The following PCDHGB1 variants were observed in gnomAD, a reference collection of about 807,000 sequenced individuals.
PCDHGB1 encodes the protein protocadherin gamma subfamily B, 1, also known as protocadherin gamma-B1.
In PCDHGB1, 34 loss-of-function variants were observed where a neutral mutation model predicts 56.6. The observed-to-expected ratio is 0.60, with a 90% CI of 0.46 to 0.80. PCDHGB1 has a LOEUF of 0.80. Ranked by LOEUF, PCDHGB1 falls within the 30% of genes least tolerant of loss-of-function variation. The pLI is 0.00. For missense variants in PCDHGB1, 1,278 were observed against 1,204.6 expected, an observed-to-expected ratio of 1.06 and a Z score of -0.90; for synonymous variants, 561 against 505.9, an observed-to-expected ratio of 1.11 and a Z score of -1.46.
chr5:141,439,172 G>A (rs1181712838), intron 1 of PCDHGB1, among the ~76,000 whole-genome samples: 1 of 147,496 alleles, frequency 6.8e-6, no homozygotes, highest in Admixed American at 6.8e-5. Context: ...CAGCCTGGGC[G>A]ACATAGTGAG....
chr5:141,418,016 G>C (rs772945671), intron 1 of PCDHGB1: 1 of 1,613,968 alleles, frequency 6.2e-7, no homozygotes, highest in Non-Finnish European at 8.5e-7. Context: ...CCTCGCTAAG[G>C]ATCTAGGGCT....
intron 1 of PCDHGB1, chr5:141,420,184 A>G: frequency 5.0e-6 from 8 of 1,613,990 alleles, no homozygotes; most frequent in Non-Finnish European, 6.8e-6. Context: ...ATCATTGTCC[A>G]GCCACACAAG....
At chr5:141,495,852 TCTCA>T (rs1473070626) in intron 2 of PCDHGB1, among the ~76,000 whole-genome samples, 1 of 152,174 alleles carries the variant, frequency 6.6e-6, no homozygotes, top group Non-Finnish European at 1.5e-5. Flanking sequence ...TTTCTCTGTC[TCTCA>T]CTATTTCTGC....
At chr5:141,402,067 A>G (rs2094221639) in intron 1 of PCDHGB1, among the ~76,000 whole-genome samples, 1 of 152,226 alleles carries the variant, frequency 6.6e-6, no homozygotes, top group Non-Finnish European at 1.5e-5. Flanking sequence ...TTAAAAAACT[A>G]AGCATTTTTG....
chr5:141,370,570 G>A (rs1373345113), intron 1 of PCDHGB1: 2 of 1,613,946 alleles, frequency 1.2e-6, no homozygotes, highest in African/African-American at 1.3e-5. Flanking sequence ...TTTGGCGTGG[G>A]GGATTTACCT....
At chr5:141,441,932 C>A in intron 1 of PCDHGB1, 1 of 347,904 alleles carries the variant, frequency 2.9e-6, no homozygotes. Flanking sequence ...GCGTGGCTGT[C>A]CTACCACGTG....
chr5:141,428,307 C>A, intron 1 of PCDHGB1: 1 of 688,030 alleles, frequency 1.5e-6, no homozygotes, highest in South Asian at 1.6e-5. Flanking sequence ...TTTACCTGGT[C>A]GTGGCCTTGG....
chr5:141,414,290 T>G (rs781378958), intron 1 of PCDHGB1: 5 of 1,613,154 alleles, frequency 3.1e-6, no homozygotes, highest in Non-Finnish European at 4.2e-6. Context: ...GTCGTAGCCC[T>G]TTTAAATGTG....
chr5:141,431,393 C>T lies in PCDHGB1; in HGVS notation c.2410-63414C>T, dbSNP rs1485575362. 5 of 1,613,884 alleles carry T rather than the reference C, an allele frequency of 3.1e-6. No individual in the cohort carries two copies. Among genetic ancestry groups the T allele is most frequent in the Non-Finnish European group, 4.2e-6 (5 of 1,180,048 alleles). On this transcript the variant is annotated intron_variant, in intron 1 of 3. Coordinates refer to ENST00000523390, the MANE Select transcript of PCDHGB1 (RefSeq NM_018922.3). The surrounding 1 kb of genome is among the most constrained non-coding windows in gnomAD (Gnocchi z 4.8). ...AGAAAAGGCTGCTCACCACCTGGTC[C>T]TTACGGCCTCCGACGGGGGCGACCC...
At chr5:141,423,357 C>G in intron 1 of PCDHGB1, 1 of 1,614,214 alleles carries the variant, frequency 6.2e-7, no homozygotes. Context: ...TCTTTGTCAT[C>G]GTGCTGCTGG....
chr5:141,374,633 A>G, intron 1 of PCDHGB1: 1 of 1,613,130 alleles, frequency 6.2e-7, no homozygotes, highest in South Asian at 1.1e-5. Flanking sequence ...GGACGTGCAA[A>G]GCGAAGCCCA....
At chr5:141,380,313 G>A (rs535275197) in intron 1 of PCDHGB1, among the ~76,000 whole-genome samples, 53 of 152,244 alleles carry the variant, frequency 3.5e-4, no homozygotes, top group Non-Finnish European at 5.4e-4. Flanking sequence ...GCTTGAGAAT[G>A]AAAATCTAAA....
chr5:141,417,232 G>C (rs997894028), intron 1 of PCDHGB1: 5 of 152,072 alleles, frequency 3.3e-5, no homozygotes, highest in Non-Finnish European at 7.4e-5. Flanking sequence ...AAAATTTGTT[G>C]CTTATCTTCA....
chr5:141,414,767 AGCTACAGAT>A, intron 1 of PCDHGB1: 2 of 1,614,190 alleles, frequency 1.2e-6, no homozygotes, highest in Middle Eastern at 1.6e-4. Flanking sequence ...CAGTTTCATG[AGCTACAGAT>A]GCAGGTGACA....
intron 2 of PCDHGB1, among the ~76,000 whole-genome samples, chr5:141,502,845 T>G (rs2099816267): frequency 6.8e-6 from 1 of 147,606 alleles, no homozygotes; most frequent in South Asian, 2.1e-4. Context: ...CTGGCTGAGC[T>G]GCCTAACCCT....
chr5:141,487,314 A>G lies in PCDHGB1; in HGVS notation c.2410-7493A>G. ...GGCTCATTCGTGGCACTACTCTCTAAGTGTCTTCGTGGGGCAGCCTGTGGA... is the reference window on the plus strand; with the variant it reads ...GGCTCATTCGTGGCACTACTCTCTAGGTGTCTTCGTGGGGCAGCCTGTGGA... On this transcript the variant is annotated intron_variant, in intron 1 of 3. Transcript: ENST00000523390. The surrounding 1 kb of genome is among the most constrained non-coding windows in gnomAD (Gnocchi z 5.0). The G allele has an allele frequency of 6.2e-7, 1 of 1,614,002 alleles. No individual in the cohort carries two copies. Among genetic ancestry groups the G allele is most frequent in the African/African-American group, 1.3e-5 (1 of 74,994 alleles).
In PCDHGB1 at chr5:141,399,285, C is replaced by T. The variant is rs751998465; in HGVS notation, c.2409+46616C>T. 3 of 1,613,720 alleles carry T rather than the reference C, an allele frequency of 1.9e-6. No homozygotes were observed. In the African/African-American group the frequency reaches 4.0e-5, roughly 22 times the overall value. ...TTAATTGTCAATTACAAGGCGAAGTCCCTTTTAAGATTATCTCTTCATCCA... is the reference window on the plus strand; with the variant it reads ...TTAATTGTCAATTACAAGGCGAAGTTCCTTTTAAGATTATCTCTTCATCCA... On this transcript the variant is annotated intron_variant, in intron 1 of 3. Coordinates refer to ENST00000523390, the MANE Select transcript of PCDHGB1 (RefSeq NM_018922.3).
intron 1 of PCDHGB1, among the ~76,000 whole-genome samples, 197 bp from the exon 2 acceptor site, chr5:141,494,610 T>C (rs1428159953): frequency 6.6e-6 from 1 of 152,152 alleles, no homozygotes; most frequent in Non-Finnish European, 1.5e-5. Flanking sequence ...GATTTATCTC[T>C]TGGTTTCTGG....
chr5:141,471,964 T>C lies in PCDHGB1; in HGVS notation c.2410-22843T>C, dbSNP rs138170906. Among the ~76,000 whole-genome samples, 591 of 152,278 alleles carry C rather than the reference T, an allele frequency of 3.9e-3. 6 individuals are homozygous for C. Among genetic ancestry groups the C allele is most frequent in the Admixed American group, 0.011 (171 of 15,292 alleles). On this transcript the variant is annotated intron_variant, in intron 1 of 3. Transcript: ENST00000523390. ...TCTAAAACTGGATTGTGGGGTTGGT[T>C]GCATTACTGTATAAATTTATTAAAA...
Sources: allele counts gnomAD v4.1 joint callset (sites outside exome capture counted in the v4.1 genomes callset), GRCh38; gene constraint gnomAD v4.1.1; non-coding constraint Gnocchi (gnomAD v3.1); transcripts MANE v1.5; gene names NCBI Gene and HGNC (gene_info 2026-07-23, HGNC 2026-07-21).